Variants in CALN1 observed in about 807,000 individuals in gnomAD.
CALN1 encodes calneuron 1, also known as calcium-binding protein 8.
Under a neutral mutation model 30.6 loss-of-function variants are expected in CALN1, and 17 were observed. The observed-to-expected ratio is 0.56, with a 90% CI of 0.38 to 0.83. The LOEUF is 0.83. Ranked by LOEUF, CALN1 falls within the 40% of genes least tolerant of loss-of-function variation. The pLI is 0.00. For synonymous variants in CALN1, 156 were observed against 131.4 expected, an observed-to-expected ratio of 1.19 and a Z score of -1.28; for missense variants, 291 against 354.9, an observed-to-expected ratio of 0.82 and a Z score of 1.45.
At chr7:72,422,652 C>A (rs1807651186) in intron 1 of CALN1, among the ~76,000 whole-genome samples, 1 of 152,184 alleles carries the variant, frequency 6.6e-6, no homozygotes, top group African/African-American at 2.4e-5. Flanking sequence ...TATAAATTGT[C>A]ATTTACCTGT....
intron 1 of CALN1, among the ~76,000 whole-genome samples, chr7:72,408,735 G>C (rs550656199): frequency 7.6e-6 from 1 of 131,762 alleles, no homozygotes; most frequent in Non-Finnish European, 1.5e-5. Flanking sequence ...GGAGTGCAGA[G>C]GCGCAATCAT....
intron 6 of CALN1, among the ~76,000 whole-genome samples, chr7:71,793,103 G>C (rs998152807): frequency 2.0e-5 from 3 of 152,004 alleles, no homozygotes; most frequent in African/African-American, 4.8e-5. Context: ...TCAGGAGTTC[G>C]AGACCAGCTT....
chr7:72,408,157 G>C (rs1379493949), intron 1 of CALN1, among the ~76,000 whole-genome samples: 4 of 151,850 alleles, frequency 2.6e-5, no homozygotes, highest in Non-Finnish European at 5.9e-5. Flanking sequence ...CGTAGGCCTG[G>C]CATGGAGGCT....
At chr7:72,461,945 T>C in the CALN1 span, among the ~76,000 whole-genome samples, 1,339 of 151,650 alleles carry the variant, frequency 8.8e-3, 24 homozygotes, top group African/African-American at 0.03. Flanking sequence ...GAGGTGGAGG[T>C]TGCACTGAGC....
intron 2 of CALN1, among the ~76,000 whole-genome samples, chr7:72,322,931 C>T (rs59032605): frequency 0.38 from 56,459 of 150,350 alleles, 11,417 homozygotes; most frequent in Admixed American, 0.45. Context: ...AAATATGTAC[C>T]CACAAAAATC....
At chr7:72,370,019 T>C (rs1804131806) in intron 2 of CALN1, among the ~76,000 whole-genome samples, 1 of 152,326 alleles carries the variant, frequency 6.6e-6, no homozygotes, top group South Asian at 2.1e-4. Flanking sequence ...AAAATGTATG[T>C]GTGTTATTTT....
At chr7:72,177,926 A>C (rs1789482890) in intron 3 of CALN1, among the ~76,000 whole-genome samples, 2 of 152,080 alleles carry the variant, frequency 1.3e-5, no homozygotes, top group Admixed American at 1.3e-4. Flanking sequence ...GATCCAGGGC[A>C]ACAATAAAAG....
intron 5 of CALN1, among the ~76,000 whole-genome samples, chr7:71,975,235 T>C (rs1475270451): frequency 6.6e-6 from 1 of 152,124 alleles, no homozygotes; most frequent in African/African-American, 2.4e-5. Context: ...TTCCACCAAT[T>C]TGACATTCAT....
At position 72,218,967 on chromosome 7, in the gene CALN1, G is replaced by C. The variant is rs545921242; in HGVS notation, c.244+59719C>G. Among the ~76,000 whole-genome samples the C allele has an allele frequency of 3.9e-5, 6 of 152,294 alleles. No individual in the cohort carries two copies. The East Asian group carries it at 1.2e-3, about 29-fold the overall frequency. On this transcript the variant is annotated intron_variant, in intron 3 of 6. Coordinates refer to ENST00000395275, the MANE Select transcript of CALN1 (RefSeq NM_031468.4). ...ATGCAAATTGTGTACTCCCAAGAGCGACAGAGTGCAGGGAACTGCAGATGC... is the reference window on the plus strand; with the variant it reads ...ATGCAAATTGTGTACTCCCAAGAGCCACAGAGTGCAGGGAACTGCAGATGC...
intron 4 of CALN1, among the ~76,000 whole-genome samples, chr7:72,055,630 T>A (rs955181466): frequency 1.3e-5 from 2 of 152,112 alleles, no homozygotes; most frequent in African/African-American, 4.8e-5. Context: ...GAGATAAAAA[T>A]TATGAAATAC....
At chr7:71,904,839 G>A (rs1455228681) in intron 5 of CALN1, among the ~76,000 whole-genome samples, 1 of 152,058 alleles carries the variant, frequency 6.6e-6, no homozygotes, top group Non-Finnish European at 1.5e-5. Flanking sequence ...TTTTTTAAAT[G>A]TAAAAATGAG....
At chr7:72,503,007 G>A in the CALN1 span, among the ~76,000 whole-genome samples, 1 of 152,132 alleles carries the variant, frequency 6.6e-6, no homozygotes, top group East Asian at 1.9e-4. Flanking sequence ...ATAAAAATTA[G>A]CCAGACATGG....
At chr7:71,923,388 C>T (rs1389330919) in intron 5 of CALN1, among the ~76,000 whole-genome samples, 1 of 152,126 alleles carries the variant, frequency 6.6e-6, no homozygotes, top group Non-Finnish European at 1.5e-5. Context: ...AGGAAGAATG[C>T]ATTTTATTTG....
chr7:72,038,849 C>T (rs566981257), intron 4 of CALN1, among the ~76,000 whole-genome samples: 1 of 152,210 alleles, frequency 6.6e-6, no homozygotes, highest in Non-Finnish European at 1.5e-5. Flanking sequence ...AAATAATCCA[C>T]CCCTGGTTTA....
intron 5 of CALN1, among the ~76,000 whole-genome samples, chr7:72,011,819 G>T (rs564626958): frequency 1.1e-4 from 16 of 151,794 alleles, no homozygotes; most frequent in Admixed American, 8.5e-4. Context: ...TAATTTTTAG[G>T]TTTTTTTTGT....
At chr7:72,083,655 T>TCACA (rs756293651) in intron 4 of CALN1, among the ~76,000 whole-genome samples, 1 of 152,130 alleles carries the variant, frequency 6.6e-6, no homozygotes, top group Non-Finnish European at 1.5e-5. Flanking sequence ...GCACAGTGGC[T>TCACA]CACACCTGTA....
chr7:71,994,329 T>C (rs540273167), intron 5 of CALN1, among the ~76,000 whole-genome samples: 3 of 152,086 alleles, frequency 2.0e-5, no homozygotes, highest in East Asian at 3.9e-4. Context: ...CTGGCCAACA[T>C]GGCAAAACTC....
Position 72,384,811 on chromosome 7 carries a change from C to T in CALN1, c.119+18440G>A, listed in dbSNP as rs145216102. ...TTATCCCTGAAAGAAAAAAAAATTA[C>T]TAGTTTGGACATTATTAATATTTAA... On this transcript the variant is annotated intron_variant, in intron 2 of 6. Transcript: ENST00000395275. 2.4e-3 allele frequency among the ~76,000 whole-genome samples: 359 copies of T among 152,078 alleles called. 2 individuals are homozygous for T. The highest frequency in any genetic ancestry group is 7.8e-3 in the African/African-American group (324 of 41,482).
At chr7:72,209,902 G>T (rs1171535989) in intron 3 of CALN1, among the ~76,000 whole-genome samples, 1 of 152,134 alleles carries the variant, frequency 6.6e-6, no homozygotes, top group Non-Finnish European at 1.5e-5. Context: ...TGTCTGAGCT[G>T]TACAATATCC....
Sources: gnomAD v4.1 joint callset for allele counts (sites outside exome capture counted in the v4.1 genomes callset) on GRCh38, gnomAD v4.1.1 for gene constraint, MANE v1.5 for transcripts, NCBI Gene and HGNC (gene_info 2026-07-23, HGNC 2026-07-21) for gene names.